The following NALCN variants were observed in gnomAD, a reference collection of about 807,000 sequenced individuals.
NALCN encodes sodium leak channel, non-selective.
Under a neutral mutation model 225.3 loss-of-function variants are expected in NALCN, and 111 were observed. The observed-to-expected ratio is 0.49, with a 90% CI of 0.42 to 0.58. The LOEUF (loss-of-function observed/expected upper bound fraction) is 0.58. NALCN is among the 20% of genes least tolerant of loss of function. NALCN has a pLI of 0.00. For synonymous variants in NALCN, 764 were observed against 769.0 expected (o/e 0.99, Z 0.11); for missense variants, 1,378 against 2,202.4 (o/e 0.63, Z 7.49).
At chr13:101,209,682 A>G (rs182216020) in intron 13 of NALCN, among the ~76,000 whole-genome samples, 15 of 152,308 alleles carry the variant, frequency 9.8e-5, no homozygotes, top group Admixed American at 5.9e-4. Context: ...GTAATACAGG[A>G]AAGTTCTCCC....
intron 3 of NALCN, among the ~76,000 whole-genome samples, chr13:101,390,215 G>T (rs1325327833): frequency 1.3e-5 from 2 of 151,716 alleles, no homozygotes; most frequent in Admixed American, 6.6e-5. Flanking sequence ...AGCTCCAAAA[G>T]AATCACAAAA....
In NALCN at chr13:101,104,691, A is replaced by T. The variant is rs1296344816; in HGVS notation, c.2637-41T>A. On this transcript the variant is annotated intron_variant, in intron 23 of 43. Coordinates refer to ENST00000251127, the MANE Select transcript of NALCN (RefSeq NM_052867.4). This position sits in a 1 kb window ranked among gnomAD's most constrained non-coding sequence, Gnocchi z 4.2. The stretch of plus-strand genomic sequence containing the variant: ...CAAAATTGAGAAACATAAAGGTTCC[A>T]GGAAAGGCTTCTAAGAGTTAGAGAT... 6.2e-7 allele frequency: 1 copy of T among 1,611,984 alleles called. No individual in the cohort carries two copies. The highest frequency in any genetic ancestry group is 8.5e-7 in the Non-Finnish European group (1 of 1,178,768).
intron 14 of NALCN, among the ~76,000 whole-genome samples, chr13:101,182,445 A>G (rs2039279611): frequency 6.6e-6 from 1 of 152,232 alleles, no homozygotes; most frequent in Non-Finnish European, 1.5e-5. Context: ...AAATTTAAAA[A>G]TAATATAATA....
Position 101,104,581 on chromosome 13 carries a change from G to A in NALCN, c.2706C>T (p.Ser902=). ...TTCGAAACGGGGACTCAAACATCAT[G>A]GAAATGCAAGAGCAGATGGTTACGA... ...MIIVTICSCI[S]MMFESPFRRV... Residue 902 remains serine, a synonymous_variant, in exon 24 of 44, where the codon TCC becomes TCT. Coordinates refer to ENST00000251127, the MANE Select transcript of NALCN (RefSeq NM_052867.4). This position sits in a 1 kb window ranked among gnomAD's most constrained non-coding sequence, Gnocchi z 4.2. The A allele has an allele frequency of 6.2e-7, 1 of 1,614,004 alleles. No homozygotes were observed. Among genetic ancestry groups the A allele is most frequent in the South Asian group, 1.1e-5 (1 of 91,084 alleles).
intron 7 of NALCN, among the ~76,000 whole-genome samples, chr13:101,314,476 T>C (rs902398659): frequency 6.6e-6 from 1 of 152,154 alleles, no homozygotes; most frequent in African/African-American, 2.4e-5. Context: ...CTAATATGCT[T>C]ATTCTATGGC....
At chr13:101,353,223 G>A (rs1170500322) in intron 6 of NALCN, among the ~76,000 whole-genome samples, 2 of 152,104 alleles carry the variant, frequency 1.3e-5, no homozygotes, top group Non-Finnish European at 2.9e-5. Flanking sequence ...GATACCTTAC[G>A]TGGTGCTTGT....
intron 10 of NALCN, among the ~76,000 whole-genome samples, chr13:101,271,400 G>C (rs961058013): frequency 1.3e-5 from 2 of 152,040 alleles, no homozygotes; most frequent in African/African-American, 4.8e-5. Context: ...TTTGGCCACT[G>C]ACTTCAAAAT....
rs936516824 is a variant in NALCN at position 101,208,018 on chromosome 13, C to T, written c.1627-15964G>A. ...CCTTTATGAGCTGTAACACTCACCA[C>T]GAAGGTCTGCAGCGTCACTCCTGAA... On this transcript the variant is annotated intron_variant, in intron 13 of 43. Transcript: ENST00000251127. Among the ~76,000 whole-genome samples, 8 of 151,916 alleles carry T rather than the reference C, an allele frequency of 5.3e-5. No individual in the cohort carries two copies. In the East Asian group the frequency reaches 1.2e-3, roughly 22 times the overall value.
intron 34 of NALCN, among the ~76,000 whole-genome samples, 169 bp from the exon 35 acceptor site, chr13:101,076,110 T>C (rs1283774926): frequency 1.3e-5 from 2 of 152,236 alleles, no homozygotes; most frequent in African/African-American, 4.8e-5. Context: ...CAAAAACTCA[T>C]GAATAAATAT....
intron 28 of NALCN, among the ~76,000 whole-genome samples, chr13:101,091,555 G>A (rs952731764): frequency 7.2e-6 from 1 of 138,836 alleles, no homozygotes; most frequent in African/African-American, 2.6e-5. Context: ...TGCATATTTT[G>A]GAATTCTGCT....
chr13:101,368,592 G>A (rs2046448363), intron 6 of NALCN: 1 of 152,166 alleles, frequency 6.6e-6, no homozygotes, highest in Non-Finnish European at 1.5e-5. Context: ...GATATTTCTT[G>A]AGTCTCTAAG....
chr13:101,285,320 G>T (rs1594603305), intron 9 of NALCN, among the ~76,000 whole-genome samples: 1 of 152,202 alleles, frequency 6.6e-6, no homozygotes, highest in African/African-American at 2.4e-5. Flanking sequence ...TTTGGGGGGA[G>T]ATAGAGTCCT....
Position 101,372,020 on chromosome 13 carries a change from A to G in NALCN, c.644+4680T>C, listed in dbSNP as rs527764718. Among the ~76,000 whole-genome samples the G allele has an allele frequency of 2.4e-4, 37 of 152,324 alleles. No homozygotes were observed. The South Asian group carries it at 7.5e-3, about 31-fold the overall frequency. On this transcript the variant is annotated intron_variant, in intron 6 of 43. Transcript: ENST00000251127. ...AAAATAAATTATTTCAGAGTTACAC[A>G]TTACTTTAGAGTTATGATTACTGAA...
At chr13:101,178,656 G>A (rs1410647062) in intron 14 of NALCN, among the ~76,000 whole-genome samples, 2 of 152,284 alleles carry the variant, frequency 1.3e-5, no homozygotes, top group Non-Finnish European at 2.9e-5. Context: ...GGAAATATGA[G>A]AAGTTTTAAT....
chr13:101,318,551 AC>A (rs2044637409), intron 7 of NALCN, among the ~76,000 whole-genome samples: 3 of 152,310 alleles, frequency 2.0e-5, no homozygotes, highest in Admixed American at 2.0e-4. Flanking sequence ...GCTATGGAAG[AC>A]CTATTTGACA....
At chr13:101,192,599 C>T (rs912683641) in intron 13 of NALCN, among the ~76,000 whole-genome samples, 1 of 151,878 alleles carries the variant, frequency 6.6e-6, no homozygotes, top group African/African-American at 2.4e-5. Flanking sequence ...AAGACAAACA[C>T]ATTTTTCATG....
chr13:101,381,234 C>T (rs1221690547), intron 3 of NALCN, among the ~76,000 whole-genome samples: 1 of 151,966 alleles, frequency 6.6e-6, no homozygotes, highest in Non-Finnish European at 1.5e-5. Flanking sequence ...AAGATTTATA[C>T]CCAAGGAAGA....
chr13:101,312,894 G>A (rs1354274114), intron 7 of NALCN, among the ~76,000 whole-genome samples: 1 of 152,082 alleles, frequency 6.6e-6, no homozygotes, highest in Non-Finnish European at 1.5e-5. Context: ...AGCCAAAAGA[G>A]CAAAGCTGCA....
At chr13:101,381,926 G>T (rs17487002) in intron 3 of NALCN, among the ~76,000 whole-genome samples, 32,229 of 151,882 alleles carry the variant, frequency 0.21, 3,925 homozygotes, top group Non-Finnish European at 0.29. Flanking sequence ...TTTTTAAAAA[G>T]GCAAAGAATT....
Sources: gnomAD v4.1 joint callset for allele counts (sites outside exome capture counted in the v4.1 genomes callset) on GRCh38, gnomAD v4.1.1 for gene constraint, Gnocchi (gnomAD v3.1) non-coding constraint, MANE v1.5 for transcripts, NCBI Gene and HGNC (gene_info 2026-07-23, HGNC 2026-07-21) for gene names.